The following CTIF variants were observed in gnomAD, a reference collection of about 807,000 sequenced individuals.
The protein encoded by CTIF is cap binding complex dependent translation initiation factor.
In CTIF, 21 loss-of-function variants were observed where a neutral mutation model predicts 66.0. The observed-to-expected ratio is 0.32, with a 90% CI of 0.23 to 0.46. The LOEUF is 0.46. Ranked by LOEUF, CTIF falls within the 20% of genes least tolerant of loss-of-function variation. The pLI is 1.00. For missense variants in CTIF, 739 were observed against 812.7 expected, an observed-to-expected ratio of 0.91 and a Z score of 1.10; for synonymous variants, 345 against 326.4, an observed-to-expected ratio of 1.06 and a Z score of -0.62.
At chr18:48,777,643 C>T (rs1349447121) in intron 9 of CTIF, among the ~76,000 whole-genome samples, 1 of 152,244 alleles carries the variant, frequency 6.6e-6, no homozygotes, top group African/African-American at 2.4e-5. Context: ...CCCAGCTGCC[C>T]TTAGGAACGA....
At chr18:48,766,709 G>A (rs1909580616) in intron 9 of CTIF, among the ~76,000 whole-genome samples, 1 of 152,224 alleles carries the variant, frequency 6.6e-6, no homozygotes, top group African/African-American at 2.4e-5. Context: ...CCTGCCAGGT[G>A]TTGGGCTCTC....
chr18:48,629,499 C>T (rs1004602818), intron 2 of CTIF, among the ~76,000 whole-genome samples: 1 of 152,032 alleles, frequency 6.6e-6, no homozygotes, highest in Non-Finnish European at 1.5e-5. Flanking sequence ...AGACATGATG[C>T]CCCTGTATCC....
At chr18:48,605,846 G>A (rs560281709) in intron 1 of CTIF, among the ~76,000 whole-genome samples, 2 of 152,322 alleles carry the variant, frequency 1.3e-5, no homozygotes, top group Admixed American at 6.5e-5. Flanking sequence ...TGGGAAAAAC[G>A]AAAAGGTCCC....
At chr18:48,762,389 C>T (rs1395200514) in intron 9 of CTIF, among the ~76,000 whole-genome samples, 1 of 152,194 alleles carries the variant, frequency 6.6e-6, no homozygotes, top group Admixed American at 6.5e-5. Flanking sequence ...AGCAATGTTT[C>T]ATCTCACAAG....
intron 3 of CTIF, among the ~76,000 whole-genome samples, chr18:48,659,834 G>A (rs1381426250): frequency 1.3e-5 from 2 of 152,214 alleles, no homozygotes; most frequent in African/African-American, 4.8e-5. Flanking sequence ...ACAGGGCGGG[G>A]GTGGCTAAAG....
intron 10 of CTIF, among the ~76,000 whole-genome samples, chr18:48,830,011 G>A (rs1248140083): frequency 6.6e-6 from 1 of 152,164 alleles, no homozygotes; most frequent in Admixed American, 6.5e-5. Flanking sequence ...TGTGGGCGGG[G>A]CCAGGCCTTT....
At chr18:48,651,534 A>G (rs944752169) in intron 3 of CTIF, among the ~76,000 whole-genome samples, 1 of 152,234 alleles carries the variant, frequency 6.6e-6, no homozygotes, top group Non-Finnish European at 1.5e-5. Context: ...TTAACACCGC[A>G]CTGTCAATAT....
At chr18:48,679,833 G>C (rs1434522951) in intron 6 of CTIF, among the ~76,000 whole-genome samples, 1 of 152,202 alleles carries the variant, frequency 6.6e-6, no homozygotes, top group African/African-American at 2.4e-5. Context: ...TCCTGGAGGA[G>C]GTAGACCTGG....
At chr18:48,821,246 C>T (rs540136684) in intron 10 of CTIF, among the ~76,000 whole-genome samples, 3 of 152,370 alleles carry the variant, frequency 2.0e-5, no homozygotes, top group South Asian at 4.1e-4. Context: ...AGCCTCTTCA[C>T]GTTGCCTTGT....
At chr18:48,759,702 T>G (rs1308746559) in intron 8 of CTIF, among the ~76,000 whole-genome samples, 6 of 152,242 alleles carry the variant, frequency 3.9e-5, no homozygotes, top group African/African-American at 1.4e-4. Context: ...TTAAATGAAA[T>G]AACGTGTACA....
chr18:48,716,996 G>A (rs2092288108), intron 7 of CTIF, among the ~76,000 whole-genome samples: 1 of 152,190 alleles, frequency 6.6e-6, no homozygotes, highest in South Asian at 2.1e-4. Flanking sequence ...TGCGGAGTGG[G>A]CCACATGCTG....
At chr18:48,849,774 C>T (rs994712944) in intron 10 of CTIF, among the ~76,000 whole-genome samples, 8 of 151,750 alleles carry the variant, frequency 5.3e-5, no homozygotes, top group Admixed American at 4.6e-4. Flanking sequence ...TTAATAGAGA[C>T]GGGGTTTCAC....
At chr18:48,623,887 G>A (rs2090544221) in intron 2 of CTIF, among the ~76,000 whole-genome samples, 1 of 152,006 alleles carries the variant, frequency 6.6e-6, no homozygotes, top group South Asian at 2.1e-4. Context: ...CTGGCTGGCT[G>A]GATGGATGGA....
At chr18:48,808,057 C>T (rs2068185956) in intron 9 of CTIF, among the ~76,000 whole-genome samples, 1 of 152,104 alleles carries the variant, frequency 6.6e-6, no homozygotes, top group Non-Finnish European at 1.5e-5. Flanking sequence ...ACAATAAGAA[C>T]TCTTAAGACT....
intron 1 of CTIF, among the ~76,000 whole-genome samples, chr18:48,613,144 AAAGGATTGGCTAAATT>A (rs2090338023): frequency 6.6e-6 from 1 of 152,136 alleles, no homozygotes; most frequent in Admixed American, 6.5e-5. Context: ...GCAGTTCTTA[AAAGGATTGGCTAAATT>A]GATAGCTCCT....
intron 1 of CTIF, among the ~76,000 whole-genome samples, chr18:48,568,866 C>T (rs1205593266): frequency 5.9e-5 from 9 of 152,038 alleles, no homozygotes; most frequent in Non-Finnish European, 1.2e-4. Flanking sequence ...CCCACCCCCA[C>T]GATTCAATTA....
chr18:48,589,161 A>G (rs1023270001), intron 1 of CTIF, among the ~76,000 whole-genome samples: 7 of 152,184 alleles, frequency 4.6e-5, no homozygotes, highest in East Asian at 1.9e-4. Context: ...GTCACGAATT[A>G]TCACAACCTG....
intron 3 of CTIF, among the ~76,000 whole-genome samples, chr18:48,659,368 C>A (rs752048534): frequency 2.0e-5 from 3 of 152,294 alleles, no homozygotes; most frequent in South Asian, 2.1e-4. Context: ...TGCTCTCCTC[C>A]ATGTGTCCAG....
intron 9 of CTIF, among the ~76,000 whole-genome samples, chr18:48,812,711 A>T (rs2068283905): frequency 6.6e-6 from 1 of 150,668 alleles, no homozygotes; most frequent in Admixed American, 6.6e-5. Context: ...CCTTAATCGC[A>T]CCACTGCACT....
Sources: gnomAD v4.1 joint callset for allele counts (sites outside exome capture counted in the v4.1 genomes callset) on GRCh38, gnomAD v4.1.1 for gene constraint, MANE v1.5 for transcripts, NCBI Gene and HGNC (gene_info 2026-07-23, HGNC 2026-07-21) for gene names.